The following KCNQ3 variants were observed in gnomAD, a reference collection of about 807,000 sequenced individuals.
The protein encoded by KCNQ3 is potassium voltage-gated channel subfamily Q member 3.
A neutral mutation model predicts 92.5 loss-of-function variants in KCNQ3; 30 were observed. The observed-to-expected ratio is 0.32, with a 90% CI of 0.24 to 0.44. The LOEUF is 0.44. Among genes scored for constraint, KCNQ3 ranks in the 20% least tolerant of loss-of-function variants. The probability of loss-of-function intolerance (pLI) is 1.00; values close to 1 mark genes in which losing one functional copy is unlikely to be tolerated. For missense variants in KCNQ3, 913 were observed against 1,140.3 expected, an observed-to-expected ratio of 0.80 and a Z score of 2.87; for synonymous variants, 450 against 468.8, an observed-to-expected ratio of 0.96 and a Z score of 0.52.
At position 132,129,189 on chromosome 8, in the gene KCNQ3, C is replaced by G; in HGVS notation, c.*73G>C. The G allele has an allele frequency of 6.4e-7, 1 of 1,555,844 alleles. No individual in the cohort carries two copies. Among genetic ancestry groups the G allele is most frequent in the Non-Finnish European group, 8.7e-7 (1 of 1,145,476 alleles). ...AGCCATTGGTGTCCCCGCTGGTAAG[C>G]GTCGGGTGTAAGAGTAAGTGAACTA... On this transcript the variant is annotated 3_prime_UTR_variant, in exon 15 of 15. Coordinates refer to ENST00000388996, the MANE Select transcript of KCNQ3 (RefSeq NM_004519.4). The surrounding 1 kb of genome is among the most constrained non-coding windows in gnomAD (Gnocchi z 5.9).
chr8:132,308,527 T>G (rs573748591), intron 1 of KCNQ3, among the ~76,000 whole-genome samples: 1 of 152,102 alleles, frequency 6.6e-6, no homozygotes, highest in Non-Finnish European at 1.5e-5. Context: ...AGAAAAGCCA[T>G]GTTCTCAGAG....
intron 1 of KCNQ3, among the ~76,000 whole-genome samples, chr8:132,466,918 G>T (rs2673559): frequency 0.74 from 113,071 of 152,058 alleles, 42,361 homozygotes; most frequent in African/African-American, 0.81. Flanking sequence ...GAAAACAAGA[G>T]AGAGCAACTG....
At chr8:132,168,091 C>T (rs1204065282) in intron 8 of KCNQ3, among the ~76,000 whole-genome samples, 2 of 152,202 alleles carry the variant, frequency 1.3e-5, no homozygotes, top group African/African-American at 4.8e-5. Flanking sequence ...TGAAGACTTG[C>T]TTCCTCTGAC....
intron 1 of KCNQ3, among the ~76,000 whole-genome samples, chr8:132,365,468 T>C (rs1440977874): frequency 6.6e-6 from 1 of 152,256 alleles, no homozygotes; most frequent in African/African-American, 2.4e-5. Flanking sequence ...CTTCACAATG[T>C]AGCACCTTGG....
intron 1 of KCNQ3, among the ~76,000 whole-genome samples, chr8:132,452,626 A>G (rs1241227973): frequency 3.3e-5 from 5 of 152,162 alleles, no homozygotes. Context: ...ACCACAGAAG[A>G]GTCCATTCCT....
At chr8:132,165,735 T>C (rs1826125557) in intron 8 of KCNQ3, among the ~76,000 whole-genome samples, 1 of 152,202 alleles carries the variant, frequency 6.6e-6, no homozygotes, top group African/African-American at 2.4e-5. Context: ...AAAACATAGG[T>C]TTTGGCACAA....
intron 1 of KCNQ3, among the ~76,000 whole-genome samples, chr8:132,329,630 T>A (rs761212520): frequency 5.3e-5 from 8 of 152,190 alleles, no homozygotes; most frequent in Non-Finnish European, 1.2e-4. Flanking sequence ...CAGATAGCTC[T>A]AACTAACCAT....
At chr8:132,355,732 C>T (rs1411844586) in intron 1 of KCNQ3, among the ~76,000 whole-genome samples, 1 of 152,204 alleles carries the variant, frequency 6.6e-6, no homozygotes, top group Non-Finnish European at 1.5e-5. Flanking sequence ...GGTCTGCTGA[C>T]ATGAGCTCAT....
intron 1 of KCNQ3, among the ~76,000 whole-genome samples, chr8:132,413,060 G>C (rs1033127954): frequency 6.6e-6 from 1 of 152,180 alleles, no homozygotes; most frequent in African/African-American, 2.4e-5. Context: ...GGATGAATTA[G>C]TGAAAAAATG....
At chr8:132,455,035 A>C (rs1381465159) in intron 1 of KCNQ3, among the ~76,000 whole-genome samples, 1 of 152,228 alleles carries the variant, frequency 6.6e-6, no homozygotes, top group Non-Finnish European at 1.5e-5. Context: ...GTAGTGAGTT[A>C]CTGTGTAGTG....
At chr8:132,334,018 C>T (rs1818300055) in intron 1 of KCNQ3, among the ~76,000 whole-genome samples, 1 of 152,072 alleles carries the variant, frequency 6.6e-6, no homozygotes, top group Non-Finnish European at 1.5e-5. Flanking sequence ...CCACACCCAG[C>T]CATGAAACAA....
At chr8:132,478,048 A>G (rs1020121192) in intron 1 of KCNQ3, among the ~76,000 whole-genome samples, 2 of 152,246 alleles carry the variant, frequency 1.3e-5, no homozygotes, top group Non-Finnish European at 2.9e-5. Flanking sequence ...AGGATTAAAT[A>G]AAATTAGTAC....
intron 9 of KCNQ3, among the ~76,000 whole-genome samples, chr8:132,146,131 C>A (rs1825440444): frequency 6.6e-6 from 1 of 152,172 alleles, no homozygotes; most frequent in Non-Finnish European, 1.5e-5. Context: ...ACGTGGGGCC[C>A]ACAAAGATTT....
rs750016305 is a variant in KCNQ3, at chr8:132,180,227, C to T, written c.707G>A (p.Arg236His). The change falls in exon 4 of 15, where the codon CGC (arginine) becomes CAC (histidine). Residue 236 changes from arginine (R) to histidine (H), a missense_variant. By Grantham distance (29) the Arg-to-His change is conservative. Around this residue, in one of 6 missense-constraint regions of KCNQ3, gnomAD observed 100 missense variants for 217.6 expected, o/e 0.46. Coordinates refer to ENST00000388996, the MANE Select transcript of KCNQ3 (RefSeq NM_004519.4). ...LRSLRFLQIL[R>H]MLRMDRRGGT... ...ACCTCTCCGGTCCATCCGCAGCATG[C>T]GCAGGATCTGCAGGAAGCGCAGGCT... 3.7e-6 allele frequency: 6 copies of T among 1,614,166 alleles called. No homozygotes were observed. The highest frequency in any genetic ancestry group is 4.2e-6 in the Non-Finnish European group (5 of 1,180,038).
chr8:132,170,994 G>T (rs923030840), intron 7 of KCNQ3, among the ~76,000 whole-genome samples: 2 of 152,186 alleles, frequency 1.3e-5, no homozygotes, highest in Admixed American at 1.3e-4. Context: ...ACTCCAACCT[G>T]GGTATAGAGT....
intron 1 of KCNQ3, among the ~76,000 whole-genome samples, chr8:132,335,292 G>A (rs564695347): frequency 3.2e-4 from 49 of 152,268 alleles, no homozygotes; most frequent in Admixed American, 2.8e-3. Flanking sequence ...GCCTGCCTCA[G>A]CATCCCAAAG....
At chr8:132,307,193 G>A (rs547706058) in intron 1 of KCNQ3, among the ~76,000 whole-genome samples, 38 of 152,336 alleles carry the variant, frequency 2.5e-4, no homozygotes, top group African/African-American at 5.8e-4. Context: ...TAGCTTCAGC[G>A]CAGGGGAAAT....
intron 1 of KCNQ3, among the ~76,000 whole-genome samples, chr8:132,272,017 G>C (rs1816162762): frequency 6.6e-6 from 1 of 152,170 alleles, no homozygotes; most frequent in African/African-American, 2.4e-5. Flanking sequence ...GCAGAACCGA[G>C]ACATTTTGAC....
intron 1 of KCNQ3, among the ~76,000 whole-genome samples, chr8:132,299,247 T>C (rs1052805194): frequency 6.6e-6 from 1 of 152,026 alleles, no homozygotes; most frequent in Non-Finnish European, 1.5e-5. Flanking sequence ...TGGTGGTTTT[T>C]AGTTTCTTAC....
Sources: allele counts gnomAD v4.1 joint callset (sites outside exome capture counted in the v4.1 genomes callset), GRCh38; gene constraint gnomAD v4.1.1; regional missense constraint gnomAD v4.1.1; non-coding constraint Gnocchi (gnomAD v3.1); transcripts MANE v1.5; gene names NCBI Gene and HGNC (gene_info 2026-07-23, HGNC 2026-07-21).